NUTM1: variants seen among roughly 807,000 people sequenced by gnomAD.
The protein encoded by NUTM1 is NUT midline carcinoma family member 1.
NUTM1 carries 39 observed loss-of-function variants against 88.7 expected under a neutral mutation model. The observed-to-expected ratio is 0.44, with a 90% CI of 0.34 to 0.57. The LOEUF (loss-of-function observed/expected upper bound fraction) is 0.57. Among genes scored for constraint, NUTM1 ranks in the 20% least tolerant of loss-of-function variants. The pLI is 0.01. For missense variants in NUTM1, 1,350 were observed against 1,414.5 expected (o/e 0.95, Z 0.73); for synonymous variants, 494 against 538.0 (o/e 0.92, Z 1.13).
In NUTM1 at chr15:34,343,459, CA is replaced by C; in HGVS notation, c.-237del. 1.2e-6 allele frequency: 1 copy of C among 863,586 alleles called. No individual in the cohort carries two copies. The highest frequency in any genetic ancestry group is 2.7e-5 in the East Asian group (1 of 37,360). The allele number at this position is 863,586 out of a possible 1,614,324, so 53.5% of individuals were successfully genotyped here. A position where few individuals can be genotyped will look rare whatever the true frequency, so the allele number is the denominator to read the frequency against. ...TCAATGCCTGAAGAAACAAGGGCTC[CA>C]GGATTCAGAGCCCCTTTACCCTAGG... On this transcript the variant is annotated 5_prime_UTR_variant, in exon 1 of 8. It removes the in-frame stop codon of an upstream open reading frame in the 5' UTR. Transcript: ENST00000537011.
At chr15:34,347,853 A>AAAAAATAAAAAT (rs150911418) in intron 2 of NUTM1, 116 bp from the exon 3 acceptor site, 2 of 467,612 alleles carry the variant, frequency 4.3e-6, no homozygotes, top group African/African-American at 4.2e-5. Flanking sequence ...ACTCCATCTC[A>AAAAAATAAAAAT]AAAAATAAAA....
intron 4 of NUTM1, among the ~76,000 whole-genome samples, chr15:34,352,463 C>T (rs927463037): frequency 1.1e-4 from 16 of 152,018 alleles, no homozygotes; most frequent in Non-Finnish European, 2.4e-4. Flanking sequence ...CTATATTGAG[C>T]ACTGCTGTGT....
chr15:34,345,788 C>T, intron 1 of NUTM1, 154 bp from the exon 2 acceptor site: 1 of 1,090,048 alleles, frequency 9.2e-7, no homozygotes. Flanking sequence ...TTCATACTTA[C>T]TAGAACCCTT....
Position 34,348,281 on chromosome 15 carries a change from C to T in NUTM1, c.413C>T (p.Thr138Ile), listed in dbSNP as rs758873419. The change falls in exon 3 of 8, where the codon ACT becomes ATT. Residue 138 changes from threonine to isoleucine, a missense_variant. Coordinates refer to ENST00000537011, the MANE Select transcript of NUTM1 (RefSeq NM_001284292.2). ...TCTCAAACTCAGAACTTTATCCTTA[C>T]TCAGACTGCCCTCAATTCGACTGCC... Reference protein sequence around the residue: ...EPSQTQNFILTQTALNSTAPG... With the variant: ...EPSQTQNFILIQTALNSTAPG... 5.0e-6 allele frequency: 8 copies of T among 1,614,158 alleles called. No homozygotes were observed. The highest frequency in any genetic ancestry group is 6.8e-6 in the Non-Finnish European group (8 of 1,180,054).
Position 34,356,312 on chromosome 15 carries a change from G to A in NUTM1, c.2304G>A (p.Glu768=). 1 of 1,613,740 alleles carries A rather than the reference G, an allele frequency of 6.2e-7. No homozygotes were observed. The highest frequency in any genetic ancestry group is 8.5e-7 in the Non-Finnish European group (1 of 1,179,850). The change falls in exon 8 of 8, where the codon GAG becomes GAA. Residue 768 remains glutamate, a synonymous_variant. Transcript: ENST00000537011. The part of the protein sequence containing the change: ...AVGLELPVQI[E]EVIESFQVEK... ...GCTTGGAGCTGCCTGTACAAATAGA[G>A]GAGGTCATAGAGAGCTTCCAAGTTG...
chr15:34,355,415 C>T lies in NUTM1; in HGVS notation c.1480-73C>T, dbSNP rs889892382. ...TGCCTTCCTTGCCCTGCCCAAATACCGTCTTGTGCCACCCACTCAGCCACC... is the reference window on the plus strand; with the variant it reads ...TGCCTTCCTTGCCCTGCCCAAATACTGTCTTGTGCCACCCACTCAGCCACC... On this transcript the variant is annotated intron_variant, in intron 7 of 7. Coordinates refer to ENST00000537011, the MANE Select transcript of NUTM1 (RefSeq NM_001284292.2). The surrounding 1 kb of genome is among the most constrained non-coding windows in gnomAD (Gnocchi z 4.3). 30 of 1,501,886 alleles carry T rather than the reference C, an allele frequency of 2.0e-5. No individual in the cohort carries two copies. The highest frequency in any genetic ancestry group is 1.1e-4 in the East Asian group (5 of 44,282). The allele number at this position is 1,501,886 out of a possible 1,614,324, so 93.0% of individuals were successfully genotyped here.
At position 34,356,683 on chromosome 15, in the gene NUTM1, G is replaced by A; in HGVS notation, c.2675G>A (p.Gly892Asp). The part of the protein sequence containing the change: ...SKETLPPTCQ[G>D]NLLIMGTEDA... ...GAAACCCTTCCACCCACATGCCAAG[G>A]CAATCTCCTTATCATGGGGACTGAG... Residue 892 changes from glycine (G) to aspartate (D), a missense_variant, in exon 8 of 8, where the codon GGC becomes GAC. This residue lies in a region of NUTM1 where 730 missense variants were observed against 728.8 expected (regional missense o/e 1.00). Transcript: ENST00000537011. 1 of 1,613,658 alleles carries A rather than the reference G, an allele frequency of 6.2e-7. No homozygotes were observed. Among genetic ancestry groups the A allele is most frequent in the Non-Finnish European group, 8.5e-7 (1 of 1,179,920 alleles).
At position 34,347,882 on chromosome 15, in the gene NUTM1, A is replaced by T. The variant is rs1890626468; in HGVS notation, c.101-87A>T. On this transcript the variant is annotated intron_variant, in intron 2 of 7. Coordinates refer to ENST00000537011, the MANE Select transcript of NUTM1 (RefSeq NM_001284292.2). ...AATAAAAATAAAAATAAAAATAAAA[A>T]TAAAAATAAAAAAATGGGGAATTCA... 3 of 659,034 alleles carry T rather than the reference A, an allele frequency of 4.6e-6. No homozygotes were observed. The South Asian group carries it at 1.0e-4, about 22-fold the overall frequency. The allele number at this position is 659,034 out of a possible 1,614,324, so 40.8% of individuals were successfully genotyped here.
chr15:34,357,668 C>A lies in NUTM1; in HGVS notation c.*177C>A. The A allele has an allele frequency of 8.6e-7, 1 of 1,160,532 alleles. No individual in the cohort carries two copies. Among genetic ancestry groups the A allele is most frequent in the Non-Finnish European group, 1.3e-6 (1 of 785,110 alleles). The allele number at this position is 1,160,532 out of a possible 1,614,324, so 71.9% of individuals were successfully genotyped here. A position where few individuals can be genotyped will look rare whatever the true frequency, so the allele number is the denominator to read the frequency against. On this transcript the variant is annotated 3_prime_UTR_variant, in exon 8 of 8. Transcript: ENST00000537011. ...GAGAGAGGTCAGACTGGCTAGGCTG[C>A]AGGGGGAATTACCTTTGGAAGGAGC...
intron 1 of NUTM1, among the ~76,000 whole-genome samples, chr15:34,343,983 G>T (rs1407402004): frequency 6.6e-6 from 1 of 151,716 alleles, no homozygotes; most frequent in Admixed American, 6.6e-5. Flanking sequence ...CCAACACTGG[G>T]AGGCTGAGGC....
chr15:34,351,925 T>C (rs1165965020), intron 4 of NUTM1, among the ~76,000 whole-genome samples: 1 of 149,226 alleles, frequency 6.7e-6, no homozygotes, highest in Non-Finnish European at 1.5e-5. Flanking sequence ...ATCCCAGCAC[T>C]TTGGGAGGCC....
intron 4 of NUTM1, among the ~76,000 whole-genome samples, chr15:34,352,025 C>G (rs1379190077): frequency 6.6e-6 from 1 of 152,118 alleles, no homozygotes; most frequent in Non-Finnish European, 1.5e-5. Context: ...ACAAAATTAG[C>G]CAGGCATGGT....
chr15:34,348,349 T>A lies in NUTM1; in HGVS notation c.481T>A (p.Phe161Ile). 6.2e-7 allele frequency: 1 copy of A among 1,614,228 alleles called. No individual in the cohort carries two copies. The highest frequency in any genetic ancestry group is 1.3e-5 in the African/African-American group (1 of 75,072). Reference sequence around the variant, plus strand: ...AGGCCTTGAGGGTCCTGCACCTCCATTTGTGACAGCATCTAATGTGAAGAC... The same window carrying A: ...AGGCCTTGAGGGTCCTGCACCTCCAATTGTGACAGCATCTAATGTGAAGAC... ...CGGLEGPAPPFVTASNVKTIL... is the reference protein window; with the variant it reads ...CGGLEGPAPPIVTASNVKTIL... Residue 161 changes from phenylalanine to isoleucine, a missense_variant, in exon 3 of 8, where the codon TTT (phenylalanine) becomes ATT (isoleucine). Phe to Ile is a conservative substitution (Grantham distance 21). This residue lies in a region of NUTM1 where 399 missense variants were observed against 397.9 expected (regional missense o/e 1.00). Coordinates refer to ENST00000537011, the MANE Select transcript of NUTM1 (RefSeq NM_001284292.2).
Position 34,343,711 on chromosome 15 carries a change from C to G in NUTM1, c.6+9C>G. 1 of 1,532,996 alleles carries G rather than the reference C, an allele frequency of 6.5e-7. No individual in the cohort carries two copies. Among genetic ancestry groups the G allele is most frequent in the Non-Finnish European group, 8.7e-7 (1 of 1,144,610 alleles). 95.0% of individuals were successfully genotyped at this position (1,532,996 alleles called of 1,614,324 possible). On this transcript the variant is annotated intron_variant, in intron 1 of 7. Coordinates refer to ENST00000537011, the MANE Select transcript of NUTM1 (RefSeq NM_001284292.2). ...CGCTCTTTCTTATGGTGGTGAGTAG[C>G]TAATAATAACGTAATAAAGTGCACC...
In NUTM1 at chr15:34,348,066, A is replaced by G. The variant is rs1439164763; in HGVS notation, c.198A>G (p.Pro66=). ...TTCTCCCACCAACTTCTGACCCACC[A>G]GACCACCCACCCAGGGAGCCACCTC... ...LPFLPPTSDP[P]DHPPREPPPQ... is the part of the protein sequence containing the mutation. The change falls in exon 3 of 8, where the codon CCA becomes CCG. Residue 66 remains proline, a synonymous_variant. Coordinates refer to ENST00000537011, the MANE Select transcript of NUTM1 (RefSeq NM_001284292.2). The G allele has an allele frequency of 1.2e-6, 2 of 1,613,940 alleles. No individual in the cohort carries two copies. The highest frequency in any genetic ancestry group is 8.5e-7 in the Non-Finnish European group (1 of 1,179,974).
At position 34,354,455 on chromosome 15, in the gene NUTM1, C is replaced by T. The variant is rs371051257; in HGVS notation, c.1085C>T (p.Pro362Leu). 2.2e-5 allele frequency: 36 copies of T among 1,613,658 alleles called. No individual in the cohort carries two copies. The highest frequency in any genetic ancestry group is 6.7e-5 in the Admixed American group (4 of 59,974). ...CCATCTCTTCCCTTAGTGTACATTC[C>T]GAAGAAGGCAGCCTCCAAGACACGG... Reference protein sequence around the residue: ...SEVCQQPVYIPKKAASKTRAP... With the variant: ...SEVCQQPVYILKKAASKTRAP... The change falls in exon 6 of 8, where the codon CCG (proline) becomes CTG (leucine). Residue 362 changes from proline to leucine, a missense_variant. Around this residue, in one of 5 missense-constraint regions of NUTM1, gnomAD observed 89 missense variants for 76.0 expected, o/e 1.17. Transcript: ENST00000537011.
At position 34,357,480 on chromosome 15, in the gene NUTM1, CGTA is replaced by C. The variant is rs1890842711; in HGVS notation, c.3474_3476del (p.Ser1159del). On this transcript the variant is annotated inframe_deletion, in exon 8 of 8. Transcript: ENST00000537011. ...CACGGGCAGAAGGAAGAAACGACGT[CGTA>C]GCCAGTAGGGAGCAGCGGGACCATC... 6.2e-7 allele frequency: 1 copy of C among 1,612,810 alleles called. No individual in the cohort carries two copies. Among genetic ancestry groups the C allele is most frequent in the Non-Finnish European group, 8.5e-7 (1 of 1,179,480 alleles).
chr15:34,351,944 C>T (rs1269848914), intron 4 of NUTM1, among the ~76,000 whole-genome samples: 2 of 150,290 alleles, frequency 1.3e-5, no homozygotes, highest in African/African-American at 2.4e-5. Context: ...CCGAGGCAGG[C>T]AGATCACCTG....
Position 34,348,515 on chromosome 15 carries a change from A to C in NUTM1, c.647A>C (p.Glu216Ala). The C allele has an allele frequency of 1.2e-6, 2 of 1,614,148 alleles. No individual in the cohort carries two copies. Among genetic ancestry groups the C allele is most frequent in the Non-Finnish European group, 1.7e-6 (2 of 1,180,014 alleles). The change falls in exon 3 of 8, where the codon GAA becomes GCA. Residue 216 changes from glutamate to alanine, a missense_variant. Physicochemically the swap from Glu to Ala is moderately radical, Grantham distance 107 (BLOSUM62 -1). Transcript: ENST00000537011. ...AWPGPHGTTG[E>A]GGPVATLSKP... ...CCAGGGCCACATGGGACAACCGGGG[A>C]AGGAGGTCCTGTGGCCACTCTATCC...
Sources: allele counts gnomAD v4.1 joint callset (sites outside exome capture counted in the v4.1 genomes callset), GRCh38; gene constraint gnomAD v4.1.1; regional missense constraint gnomAD v4.1.1; non-coding constraint Gnocchi (gnomAD v3.1); transcripts MANE v1.5; gene names NCBI Gene and HGNC (gene_info 2026-07-23, HGNC 2026-07-21).